Variants in FNDC3B observed in about 807,000 individuals in gnomAD.
FNDC3B encodes the protein fibronectin type III domain-containing protein 3B.
A neutral mutation model predicts 151.5 loss-of-function variants in FNDC3B; 12 were observed. The ratio of observed to expected loss-of-function variants is 0.08; its 90% CI spans 0.05 to 0.13. The LOEUF (loss-of-function observed/expected upper bound fraction) is 0.13, where lower values mean the gene tolerates loss of function less well. FNDC3B is among the 10% of genes least tolerant of loss of function. The pLI is 1.00. For missense variants in FNDC3B, 1,214 were observed against 1,505.3 expected (o/e 0.81, Z 3.20); for synonymous variants, 528 against 549.0 (o/e 0.96, Z 0.54).
In FNDC3B at chr3:172,297,514, G is replaced by A. The variant is rs972714856; in HGVS notation, c.1002-1214G>A. ...TTTTGAGACAGAGTCTTGCTCTGTC[G>A]CCCAGGCTGGAGTGCAGTGGCACTA... is the stretch of plus-strand genomic sequence containing the variant. On this transcript the variant is annotated intron_variant, in intron 8 of 25. Coordinates refer to ENST00000415807, the MANE Select transcript of FNDC3B (RefSeq NM_022763.4). Among the ~76,000 whole-genome samples, 12 of 150,902 alleles carry A rather than the reference G, an allele frequency of 8.0e-5. No individual in the cohort carries two copies. The South Asian group carries it at 8.3e-4, about 10-fold the overall frequency.
At chr3:172,120,386 C>T (rs1720472633) in intron 2 of FNDC3B, among the ~76,000 whole-genome samples, 1 of 152,114 alleles carries the variant, frequency 6.6e-6, no homozygotes, top group Non-Finnish European at 1.5e-5. Context: ...TTTTGGCTGT[C>T]TGATTTCCTT....
At position 172,370,264 on chromosome 3, in the gene FNDC3B, C is replaced by T. The variant is rs529407634; in HGVS notation, c.3008+7419C>T. On this transcript the variant is annotated intron_variant, in intron 23 of 25. Transcript: ENST00000415807. Reference sequence around the variant, plus strand: ...TCTTGGATTTTTTTTCAAAATCAAACTGTTTTAAAGAAACATTCTAAAGCT... The same window carrying T: ...TCTTGGATTTTTTTTCAAAATCAAATTGTTTTAAAGAAACATTCTAAAGCT... 3.3e-5 allele frequency among the ~76,000 whole-genome samples: 5 copies of T among 152,084 alleles called. No homozygotes were observed. In the South Asian group the frequency reaches 1.0e-3, roughly 32 times the overall value.
intron 4 of FNDC3B, among the ~76,000 whole-genome samples, chr3:172,228,861 A>G (rs80320243): frequency 0.022 from 3,279 of 152,284 alleles, 124 homozygotes; most frequent in African/African-American, 0.075. Flanking sequence ...TATGTCTTTT[A>G]TGACACGTTA....
chr3:172,336,588 G>T (rs930257378), intron 15 of FNDC3B, among the ~76,000 whole-genome samples: 1 of 152,042 alleles, frequency 6.6e-6, no homozygotes, highest in South Asian at 2.1e-4. Context: ...TTCTCTTTCC[G>T]TTCCTTTCCA....
At chr3:172,361,578 T>C (rs532555017) in intron 22 of FNDC3B, among the ~76,000 whole-genome samples, 2 of 152,156 alleles carry the variant, frequency 1.3e-5, no homozygotes, top group East Asian at 3.8e-4. Context: ...CTGCCCATAT[T>C]TCCATCAGCG....
At chr3:172,086,912 C>G (rs1482755940) in intron 1 of FNDC3B, among the ~76,000 whole-genome samples, 1 of 152,180 alleles carries the variant, frequency 6.6e-6, no homozygotes, top group Middle Eastern at 3.2e-3. Context: ...GAGTATTTTT[C>G]CTGTGTCACA....
intron 1 of FNDC3B, among the ~76,000 whole-genome samples, chr3:172,091,152 A>G (rs1251122152): frequency 6.6e-6 from 1 of 152,204 alleles, no homozygotes; most frequent in Non-Finnish European, 1.5e-5. Flanking sequence ...GGGAAGGAGT[A>G]GAATATAATA....
chr3:172,163,210 GCAGTGAGTTATGGTCGTGCCA>G, intron 3 of FNDC3B, among the ~76,000 whole-genome samples: 1 of 152,166 alleles, frequency 6.6e-6, no homozygotes, highest in Middle Eastern at 3.4e-3. Context: ...GTTTGAGGCT[GCAGTGAGTTATGGTCGTGCCA>G]CTGCACTCCA....
At chr3:172,315,603 C>T (rs948811782) in intron 11 of FNDC3B, among the ~76,000 whole-genome samples, 3 of 152,124 alleles carry the variant, frequency 2.0e-5, no homozygotes, top group Non-Finnish European at 4.4e-5. Flanking sequence ...TCAGGAGACA[C>T]CCCATTAGGA....
At chr3:172,193,957 A>T (rs1487625955) in intron 3 of FNDC3B, among the ~76,000 whole-genome samples, 1 of 152,174 alleles carries the variant, frequency 6.6e-6, no homozygotes, top group African/African-American at 2.4e-5. Context: ...GTGGTGGCTC[A>T]CGTCTGTAAT....
At chr3:172,082,036 G>C (rs1259111209) in intron 1 of FNDC3B, among the ~76,000 whole-genome samples, 1 of 152,150 alleles carries the variant, frequency 6.6e-6, no homozygotes, top group African/African-American at 2.4e-5. Flanking sequence ...CTTAATTATG[G>C]ATTAGGTTCA....
chr3:172,216,613 C>T (rs1228554503), intron 3 of FNDC3B, among the ~76,000 whole-genome samples: 1 of 152,132 alleles, frequency 6.6e-6, no homozygotes, highest in East Asian at 1.9e-4. Context: ...GTTGAGGCTG[C>T]GTTGAGCTGT....
intron 2 of FNDC3B, among the ~76,000 whole-genome samples, chr3:172,123,237 T>A (rs890833514): frequency 9.9e-5 from 15 of 152,246 alleles, no homozygotes; most frequent in African/African-American, 3.6e-4. Context: ...GATAGTCCCC[T>A]TATGTTGCCC....
intron 22 of FNDC3B, among the ~76,000 whole-genome samples, chr3:172,359,310 A>G (rs1278589401): frequency 1.3e-5 from 2 of 152,130 alleles, no homozygotes; most frequent in Non-Finnish European, 2.9e-5. Context: ...TAAGGAACTC[A>G]TTACCTCATT....
At chr3:172,333,431 C>T (rs899395472) in intron 14 of FNDC3B, among the ~76,000 whole-genome samples, 1 of 151,880 alleles carries the variant, frequency 6.6e-6, no homozygotes, top group African/African-American at 2.4e-5. Context: ...AAGCAGTTCT[C>T]CTGCCTCAGC....
At chr3:172,046,914 G>A (rs1030292103) in intron 1 of FNDC3B, 5 of 152,188 alleles carry the variant, frequency 3.3e-5, no homozygotes, top group African/African-American at 1.2e-4. Flanking sequence ...ATAGAGAACA[G>A]TGTCTACCAC....
intron 4 of FNDC3B, among the ~76,000 whole-genome samples, chr3:172,243,533 G>A (rs570894370): frequency 3.3e-5 from 5 of 152,246 alleles, no homozygotes; most frequent in South Asian, 4.2e-4. Flanking sequence ...ATCAGATCTC[G>A]TGACACTTAA....
intron 1 of FNDC3B, among the ~76,000 whole-genome samples, chr3:172,049,392 A>G (rs1304352198): frequency 6.6e-6 from 1 of 152,192 alleles, no homozygotes. Context: ...GAGATGAATC[A>G]GGGAGTTTGT....
intron 1 of FNDC3B, among the ~76,000 whole-genome samples, chr3:172,111,117 AGAT>A (rs1388603906): frequency 6.6e-6 from 1 of 150,836 alleles, no homozygotes; most frequent in African/African-American, 2.4e-5. Flanking sequence ...AAAAAAAAAA[AGAT>A]AGGCCTGTGT....
Sources: gnomAD v4.1 joint callset for allele counts (sites outside exome capture counted in the v4.1 genomes callset) on GRCh38, gnomAD v4.1.1 for gene constraint, MANE v1.5 for transcripts, NCBI Gene and HGNC (gene_info 2026-07-23, HGNC 2026-07-21) for gene names.